IL6R: variants seen among roughly 807,000 people sequenced by gnomAD.
IL6R encodes interleukin 6 receptor, also known as interleukin-6 receptor subunit alpha.
Under a neutral mutation model 48.3 loss-of-function variants are expected in IL6R, and 38 were observed. That is an observed-to-expected ratio of 0.79 (90% CI 0.61 to 1.03). The LOEUF (loss-of-function observed/expected upper bound fraction) is 1.03. IL6R is among the 50% of genes least tolerant of loss of function. IL6R has a pLI of 0.00. For missense variants in IL6R, 534 were observed against 618.3 expected (o/e 0.86, Z 1.45); for synonymous variants, 264 against 256.2 (o/e 1.03, Z -0.29).
At chr1:154,445,500 C>T (rs1158753101) in intron 6 of IL6R, among the ~76,000 whole-genome samples, 4 of 152,148 alleles carry the variant, frequency 2.6e-5, no homozygotes, top group African/African-American at 7.2e-5. Flanking sequence ...CCTGTAATCT[C>T]AGTACTTTGG....
intron 9 of IL6R, among the ~76,000 whole-genome samples, chr1:154,457,763 C>T (rs572964800): frequency 6.7e-4 from 102 of 152,206 alleles, no homozygotes; most frequent in African/African-American, 2.0e-3. Flanking sequence ...AGTGGTTAAT[C>T]GCGATGATCT....
chr1:154,428,629 C>T (rs932219765), intron 1 of IL6R, among the ~76,000 whole-genome samples: 2 of 152,218 alleles, frequency 1.3e-5, no homozygotes, highest in Admixed American at 1.3e-4. Context: ...GTGCCTACTT[C>T]TGTGGTGCTT....
At chr1:154,433,929 A>G (rs1338111574) in intron 3 of IL6R, among the ~76,000 whole-genome samples, 1 of 151,658 alleles carries the variant, frequency 6.6e-6, no homozygotes, top group Non-Finnish European at 1.5e-5. Context: ...GGGTTTCACC[A>G]TATTGGCTAG....
intron 7 of IL6R, among the ~76,000 whole-genome samples, chr1:154,449,184 C>T (rs1383439615): frequency 6.8e-4 from 15 of 22,070 alleles, no homozygotes; most frequent in Admixed American, 2.1e-3. Flanking sequence ...CGTGAGCCAC[C>T]GCGCCCGGCC....
chr1:154,407,834 G>C (rs948214843), intron 1 of IL6R, among the ~76,000 whole-genome samples: 8 of 152,264 alleles, frequency 5.3e-5, no homozygotes, highest in African/African-American at 1.9e-4. Context: ...GGCTTCTGCC[G>C]GTTCCAACAC....
intron 1 of IL6R, among the ~76,000 whole-genome samples, chr1:154,425,732 C>A (rs770218609): frequency 6.6e-6 from 1 of 151,572 alleles, no homozygotes; most frequent in Non-Finnish European, 1.5e-5. Context: ...CATGATTGTG[C>A]CACTGTACTT....
chr1:154,446,927 T>A (rs1690259060), intron 6 of IL6R, among the ~76,000 whole-genome samples: 1 of 152,194 alleles, frequency 6.6e-6, no homozygotes, highest in African/African-American at 2.4e-5. Context: ...ATACATAGAA[T>A]TTTTCTTGTC....
At chr1:154,448,027 A>C (rs1690372568) in intron 6 of IL6R, 98 bp from the exon 7 acceptor site, 1 of 973,318 alleles carries the variant, frequency 1.0e-6, no homozygotes, top group South Asian at 1.3e-5. Context: ...TCTTTTAAAT[A>C]ACATTGAGAT....
chr1:154,410,915 A>C (rs984774044), intron 1 of IL6R, among the ~76,000 whole-genome samples: 2 of 152,200 alleles, frequency 1.3e-5, no homozygotes, highest in South Asian at 2.1e-4. Flanking sequence ...ACTGTGTGCA[A>C]GTAGCTGTGC....
chr1:154,443,789 C>G lies in IL6R; in HGVS notation c.950-4336C>G, dbSNP rs1029265983. ...CCTTTCACCCGTATCTCCTGCCAAG[C>G]CTGTCTCTCGAGCTTTGGATTCATG... On this transcript the variant is annotated intron_variant, in intron 6 of 9. Coordinates refer to ENST00000368485, the MANE Select transcript of IL6R (RefSeq NM_000565.4). Among the ~76,000 whole-genome samples, 43 of 152,316 alleles carry G rather than the reference C, an allele frequency of 2.8e-4. 1 individual carries two copies. The highest frequency in any genetic ancestry group is 1.0e-3 in the African/African-American group (43 of 41,572).
chr1:154,405,529 G>GGGCCCCCCCC lies in IL6R; in HGVS notation c.-101_-100insGGCCCCCCCC. 4 of 388,508 alleles carry GGGCCCCCCCC rather than the reference G, an allele frequency of 1.0e-5. No individual in the cohort carries two copies. Among genetic ancestry groups the GGGCCCCCCCC allele is most frequent in the South Asian group, 2.4e-5 (1 of 40,874 alleles). 24.1% of individuals were successfully genotyped at this position (388,508 alleles called of 1,614,324 possible). A position where few individuals can be genotyped will look rare whatever the true frequency, so the allele number is the denominator to read the frequency against. On this transcript the variant is annotated 5_prime_UTR_variant, in exon 1 of 10. Transcript: ENST00000368485. This position sits in a 1 kb window ranked among gnomAD's most constrained non-coding sequence, Gnocchi z 5.2. ...CTGCCCCCGGGGCCTGAGCCCGCCTGCCCGCCCACCGCCCCGCCCCGCCCC... is the reference window on the plus strand; with the variant it reads ...CTGCCCCCGGGGCCTGAGCCCGCCTGGGCCCCCCCCCCCGCCCACCGCCCCGCCCCGCCCC...
At chr1:154,422,179 TG>T (rs1688708302) in intron 1 of IL6R, among the ~76,000 whole-genome samples, 1 of 149,346 alleles carries the variant, frequency 6.7e-6, no homozygotes, top group African/African-American at 2.5e-5. Flanking sequence ...CGACCTCAGG[TG>T]ATCTGCCCGC....
At chr1:154,461,200 G>A (rs1211871862) in intron 9 of IL6R, among the ~76,000 whole-genome samples, 1 of 152,146 alleles carries the variant, frequency 6.6e-6, no homozygotes, top group African/African-American at 2.4e-5. Context: ...TATGAGCTTC[G>A]AAGAGGAACC....
chr1:154,447,994 C>T, intron 6 of IL6R, 131 bp from the exon 7 acceptor site: 1 of 718,822 alleles, frequency 1.4e-6, no homozygotes, highest in Non-Finnish European at 2.5e-6. Context: ...CAGACGTGAG[C>T]CACCGCGCCC....
rs1163718955 is a variant in IL6R at position 154,453,459 on chromosome 1, A to T, written c.1067-1029A>T. 2.6e-5 allele frequency among the ~76,000 whole-genome samples: 4 copies of T among 152,322 alleles called. No individual in the cohort carries two copies. The East Asian group carries it at 7.7e-4, about 29-fold the overall frequency. Reference sequence around the variant, plus strand: ...TTGCATTTTGGGTAGAAGAGCCTGAATGCTGGGTCCATACAACTGTGACTG... The same window carrying T: ...TTGCATTTTGGGTAGAAGAGCCTGATTGCTGGGTCCATACAACTGTGACTG... On this transcript the variant is annotated intron_variant, in intron 8 of 9. Coordinates refer to ENST00000368485, the MANE Select transcript of IL6R (RefSeq NM_000565.4).
chr1:154,421,510 A>AG (rs746310013), intron 1 of IL6R, among the ~76,000 whole-genome samples: 38 of 152,210 alleles, frequency 2.5e-4, no homozygotes, highest in Non-Finnish European at 4.9e-4. Context: ...CTGTGGAGTC[A>AG]GGCCTGATCT....
At chr1:154,446,923 A>G (rs1690258803) in intron 6 of IL6R, among the ~76,000 whole-genome samples, 1 of 152,218 alleles carries the variant, frequency 6.6e-6, no homozygotes, top group African/African-American at 2.4e-5. Context: ...CAAAATACAT[A>G]GAATTTTTCT....
rs1687657582 is a variant in IL6R, at chr1:154,405,624, G to C, written c.-6G>C. The C allele has an allele frequency of 6.5e-7, 1 of 1,532,608 alleles. No individual in the cohort carries two copies. Among genetic ancestry groups the C allele is most frequent in the African/African-American group, 1.4e-5 (1 of 72,118 alleles). The allele number at this position is 1,532,608 out of a possible 1,614,324, so 94.9% of individuals were successfully genotyped here. Reference sequence around the variant, plus strand: ...GGGACCATGGAGTGGTAGCCGAGGAGGAAGCATGCTGGCCGTCGGCTGCGC... The same window carrying C: ...GGGACCATGGAGTGGTAGCCGAGGACGAAGCATGCTGGCCGTCGGCTGCGC... On this transcript the variant is annotated 5_prime_UTR_variant, in exon 1 of 10. Coordinates refer to ENST00000368485, the MANE Select transcript of IL6R (RefSeq NM_000565.4). The surrounding 1 kb of genome is among the most constrained non-coding windows in gnomAD (Gnocchi z 5.2).
chr1:154,454,574 GT>G lies in IL6R; in HGVS notation c.1155del (p.Leu386Ter). ...CGGAACGCTCCTCTGCATTGCCATT[GT>G]TCTGAGGTGAGATGGGTCCCAGGGG... Reference protein sequence around the residue: ...AFGTLLCIAIVLRFKKTWKLR... With the variant: ...AFGTLLCIAIXLRFKKTWKLR... On this transcript the variant is annotated frameshift_variant, in exon 9 of 10. Coordinates refer to ENST00000368485, the MANE Select transcript of IL6R (RefSeq NM_000565.4). LOFTEE classifies it low-confidence loss of function (END_TRUNC). 6.2e-7 allele frequency: 1 copy of G among 1,610,168 alleles called. No homozygotes were observed. Among genetic ancestry groups the G allele is most frequent in the Non-Finnish European group, 8.5e-7 (1 of 1,176,500 alleles).
Sources: gnomAD v4.1 joint callset for allele counts (sites outside exome capture counted in the v4.1 genomes callset) on GRCh38, gnomAD v4.1.1 for gene constraint, Gnocchi (gnomAD v3.1) non-coding constraint, MANE v1.5 for transcripts, NCBI Gene and HGNC (gene_info 2026-07-23, HGNC 2026-07-21) for gene names.